Variants in ADAM22 observed in about 807,000 individuals in gnomAD.
ADAM22 encodes disintegrin and metalloproteinase domain-containing protein 22.
In ADAM22, 65 loss-of-function variants were observed where a neutral mutation model predicts 144.6. The observed-to-expected ratio is 0.45, with a 90% confidence interval of 0.37 to 0.55. The LOEUF (loss-of-function observed/expected upper bound fraction) is 0.55, where lower values mean the gene tolerates loss of function less well. ADAM22 is among the 20% of genes least tolerant of loss of function. The probability of loss-of-function intolerance (pLI) is 0.00; values close to 1 mark genes in which losing one functional copy is unlikely to be tolerated. For synonymous variants in ADAM22, 391 were observed against 412.6 expected, an observed-to-expected ratio of 0.95 and a Z score of 0.63; for missense variants, 974 against 1,184.9, an observed-to-expected ratio of 0.82 and a Z score of 2.61.
intron 3 of ADAM22, among the ~76,000 whole-genome samples, chr7:88,025,174 TA>T (rs567201305): frequency 1.1e-4 from 16 of 152,332 alleles, no homozygotes; most frequent in Non-Finnish European, 1.8e-4. Flanking sequence ...ACCAACAGTG[TA>T]AAAGTGTTCC....
intron 2 of ADAM22, among the ~76,000 whole-genome samples, chr7:87,938,836 A>T (rs1434366842): frequency 1.3e-5 from 2 of 151,968 alleles, no homozygotes; most frequent in African/African-American, 2.4e-5. Context: ...TTTTTAGTAG[A>T]GACAGGGTTT....
intron 3 of ADAM22, among the ~76,000 whole-genome samples, chr7:88,028,168 G>T (rs932482392): frequency 6.6e-6 from 1 of 152,050 alleles, no homozygotes; most frequent in Non-Finnish European, 1.5e-5. Flanking sequence ...ATAGGTTTTG[G>T]TGTATTGTCT....
At chr7:88,189,301 T>C (rs1849055757) in intron 30 of ADAM22, among the ~76,000 whole-genome samples, 1 of 152,188 alleles carries the variant, frequency 6.6e-6, no homozygotes, top group South Asian at 2.1e-4. Flanking sequence ...TCTCGGGTAT[T>C]ATCCCATTGA....
chr7:88,044,013 T>A (rs1450962489), intron 3 of ADAM22, among the ~76,000 whole-genome samples: 1 of 152,226 alleles, frequency 6.6e-6, no homozygotes, highest in African/African-American at 2.4e-5. Context: ...TTCTTCTCAT[T>A]GCTACAGTAT....
chr7:88,142,604 C>T (rs535877766), intron 14 of ADAM22, among the ~76,000 whole-genome samples: 15 of 152,036 alleles, frequency 9.9e-5, no homozygotes, highest in Non-Finnish European at 1.5e-4. Flanking sequence ...TTTGGGAGGC[C>T]GAGGCGGGCG....
In ADAM22 at chr7:88,025,870, A is replaced by G. The variant is rs184531623; in HGVS notation, c.323+47458A>G. ...TTCAGGGTCTTTTGTGGTTCCACAT[A>G]AATTTTAGGATTGTTTTTACTATTT... On this transcript the variant is annotated intron_variant, in intron 3 of 31. Coordinates refer to ENST00000413139, the MANE Select transcript of ADAM22 (RefSeq NM_001324418.2). Among the ~76,000 whole-genome samples, 142 of 152,214 alleles carry G rather than the reference A, an allele frequency of 9.3e-4. 1 individual carries two copies. The highest frequency in any genetic ancestry group is 3.3e-3 in the African/African-American group (136 of 41,570).
chr7:88,184,148 C>T (rs746334397), intron 29 of ADAM22: 2 of 169,408 alleles, frequency 1.2e-5, no homozygotes, highest in Non-Finnish European at 2.6e-5. Context: ...ACCATAAAGG[C>T]ATGCTCTGCT....
intron 7 of ADAM22, among the ~76,000 whole-genome samples, chr7:88,120,073 A>G (rs1254551898): frequency 6.6e-6 from 1 of 152,058 alleles, no homozygotes; most frequent in African/African-American, 2.4e-5. Context: ...AATTCAGTAT[A>G]TCTTGGGTGG....
At chr7:88,096,471 A>G (rs1821328763) in intron 4 of ADAM22, among the ~76,000 whole-genome samples, 1 of 150,614 alleles carries the variant, frequency 6.6e-6, no homozygotes, top group African/African-American at 2.4e-5. Context: ...GCTCTGCTAC[A>G]TAGTTTTTTT....
At chr7:88,116,678 A>G (rs1827840875) in intron 6 of ADAM22, 67 bp from the exon 7 acceptor site, 1 of 1,315,644 alleles carries the variant, frequency 7.6e-7, no homozygotes, top group South Asian at 1.2e-5. Context: ...GTCTCCAGCT[A>G]TGTTTGCCTA....
chr7:88,174,428 T>G (rs1384733405), intron 26 of ADAM22, among the ~76,000 whole-genome samples: 1 of 152,118 alleles, frequency 6.6e-6, no homozygotes, highest in Admixed American at 6.5e-5. Context: ...GCCTTAGACA[T>G]TAGGTAATTA....
chr7:87,974,443 A>T (rs1276161133), intron 2 of ADAM22, among the ~76,000 whole-genome samples: 1 of 152,224 alleles, frequency 6.6e-6, no homozygotes, highest in Non-Finnish European at 1.5e-5. Context: ...AACCAGGCTC[A>T]CATTTATTTT....
intron 2 of ADAM22, among the ~76,000 whole-genome samples, chr7:87,940,454 A>C (rs929192717): frequency 6.6e-6 from 1 of 152,170 alleles, no homozygotes; most frequent in Non-Finnish European, 1.5e-5. Flanking sequence ...TTCATCCCCA[A>C]ATTGGGACAG....
chr7:88,130,272 G>T lies in ADAM22; in HGVS notation c.754-116G>T, dbSNP rs1469633926. 5.1e-5 allele frequency: 34 copies of T among 669,152 alleles called. 2 individuals are homozygous for T. In the South Asian group the frequency reaches 5.7e-4, roughly 11 times the overall value. The allele number at this position is 669,152 out of a possible 1,614,324, so 41.5% of individuals were successfully genotyped here. ...ACAGACAACACATTTTTACAGAAAAGATTTTTTTTTTTTTTACATTTTTAG... is the reference window on the plus strand; with the variant it reads ...ACAGACAACACATTTTTACAGAAAATATTTTTTTTTTTTTTACATTTTTAG... On this transcript the variant is annotated intron_variant, in intron 9 of 31. Coordinates refer to ENST00000413139, the MANE Select transcript of ADAM22 (RefSeq NM_001324418.2).
At chr7:87,994,478 T>A (rs1242532063) in intron 3 of ADAM22, among the ~76,000 whole-genome samples, 1 of 152,170 alleles carries the variant, frequency 6.6e-6, no homozygotes, top group African/African-American at 2.4e-5. Context: ...TGTCATTCTT[T>A]AGCCAAACTT....
chr7:88,039,735 A>G (rs930080016), intron 3 of ADAM22, among the ~76,000 whole-genome samples: 8 of 151,356 alleles, frequency 5.3e-5, no homozygotes, highest in Admixed American at 3.3e-4. Flanking sequence ...TTTTCTCACT[A>G]TCTTGTTTCT....
At chr7:88,187,826 A>T (rs979734165) in intron 30 of ADAM22, among the ~76,000 whole-genome samples, 2 of 152,090 alleles carry the variant, frequency 1.3e-5, no homozygotes, top group African/African-American at 2.4e-5. Flanking sequence ...GATTAGACCT[A>T]CCTGCCTTTT....
At chr7:87,980,179 G>C (rs1262759596) in intron 3 of ADAM22, among the ~76,000 whole-genome samples, 1 of 151,750 alleles carries the variant, frequency 6.6e-6, no homozygotes, top group Non-Finnish European at 1.5e-5. Flanking sequence ...AACCTCTATT[G>C]GGCATTTTTC....
chr7:88,056,494 A>T (rs1175645991), intron 3 of ADAM22, among the ~76,000 whole-genome samples: 1 of 152,218 alleles, frequency 6.6e-6, no homozygotes, highest in African/African-American at 2.4e-5. Flanking sequence ...GAAAAGCAGC[A>T]ATGAAGACAC....
Sources: gnomAD v4.1 joint callset for allele counts (sites outside exome capture counted in the v4.1 genomes callset) on GRCh38, gnomAD v4.1.1 for gene constraint, MANE v1.5 for transcripts, NCBI Gene and HGNC (gene_info 2026-07-23, HGNC 2026-07-21) for gene names.